SRGAP2B: variants seen among roughly 807,000 people sequenced by gnomAD.
The protein encoded by SRGAP2B is SLIT-ROBO Rho GTPase activating protein 2B.
A neutral mutation model predicts 22.2 loss-of-function variants in SRGAP2B; 9 were observed. The observed-to-expected ratio is 0.41, with a 90% CI of 0.24 to 0.71. SRGAP2B has a LOEUF of 0.71. Ranked by LOEUF, SRGAP2B falls within the 30% of genes least tolerant of loss-of-function variation. The pLI is 0.35. For synonymous variants in SRGAP2B, 36 were observed against 87.4 expected, an observed-to-expected ratio of 0.41 and a Z score of 3.28; for missense variants, 114 against 235.8, an observed-to-expected ratio of 0.48 and a Z score of 3.38.
chr1:145,044,672 A>C (rs1649555977), intron 2 of SRGAP2B, among the ~76,000 whole-genome samples: 9 of 101,970 alleles, frequency 8.8e-5, no homozygotes, highest in African/African-American at 2.2e-4. Flanking sequence ...AAAAAAAAAA[A>C]AAAAAAAAAA....
At chr1:144,988,303 CA>C (rs1291616939) in intron 3 of SRGAP2B, among the ~76,000 whole-genome samples, 1 of 125,312 alleles carries the variant, frequency 8.0e-6, no homozygotes, top group Admixed American at 8.2e-5. Context: ...TTTTGCCTTA[CA>C]AAAAAAACCA....
intron 4 of SRGAP2B, among the ~76,000 whole-genome samples, chr1:144,933,361 A>T (rs1195498383): frequency 6.7e-6 from 1 of 150,296 alleles, no homozygotes; most frequent in African/African-American, 2.5e-5. Flanking sequence ...GCTATGTTTC[A>T]TGACCCACAA....
At chr1:145,017,247 T>C (rs1252701754) in intron 2 of SRGAP2B, among the ~76,000 whole-genome samples, 4 of 150,004 alleles carry the variant, frequency 2.7e-5, no homozygotes, top group East Asian at 3.9e-4. Context: ...CTTATTACTA[T>C]GTTTGCCAGT....
chr1:144,991,057 G>T (rs1433288665), intron 3 of SRGAP2B, among the ~76,000 whole-genome samples: 6 of 150,814 alleles, frequency 4.0e-5, no homozygotes, highest in Non-Finnish European at 8.8e-5. Context: ...GGACTGGCAG[G>T]CAGCTCCACC....
At chr1:144,907,719 T>C (rs1195623038) in intron 5 of SRGAP2B, among the ~76,000 whole-genome samples, 29 of 149,794 alleles carry the variant, frequency 1.9e-4, no homozygotes, top group Admixed American at 9.3e-4. Flanking sequence ...CCCACAACAA[T>C]TAATTATCTG....
intron 3 of SRGAP2B, among the ~76,000 whole-genome samples, chr1:144,971,529 AAG>A (rs1668523471): frequency 6.6e-6 from 1 of 150,672 alleles, no homozygotes; most frequent in South Asian, 2.1e-4. Flanking sequence ...TCCTGGGCTC[AAG>A]CAATCCTCCC....
At chr1:144,941,216 TTTTG>T (rs1553607335) in intron 4 of SRGAP2B, among the ~76,000 whole-genome samples, 1 of 143,906 alleles carries the variant, frequency 6.9e-6, no homozygotes, top group African/African-American at 2.7e-5. Flanking sequence ...CTGAAGGGTT[TTTTG>T]TTTGTTTGCT....
intron 7 of SRGAP2B, among the ~76,000 whole-genome samples, chr1:144,903,913 G>GT (rs1185554722): frequency 1.4e-5 from 2 of 145,022 alleles, no homozygotes; most frequent in Admixed American, 6.9e-5. Context: ...GCTTCACTTA[G>GT]GTGTGGCTCA....
intron 2 of SRGAP2B, among the ~76,000 whole-genome samples, chr1:145,044,111 T>C (rs1252748522): frequency 1.6e-5 from 1 of 62,344 alleles, no homozygotes; most frequent in Non-Finnish European, 2.8e-5. Context: ...AATTCAGTCC[T>C]AGAGCCCAAA....
At chr1:144,987,991 G>A (rs1421283396) in intron 3 of SRGAP2B, among the ~76,000 whole-genome samples, 1 of 150,476 alleles carries the variant, frequency 6.6e-6, no homozygotes, top group Non-Finnish European at 1.5e-5. Context: ...GTTTAATGGT[G>A]GAAAAACAAA....
chr1:144,979,548 G>T (rs1570913980), intron 3 of SRGAP2B, among the ~76,000 whole-genome samples: 1 of 141,684 alleles, frequency 7.1e-6, no homozygotes, highest in Non-Finnish European at 1.5e-5. Flanking sequence ...TTGGATGTCT[G>T]TCCCCCCCCA....
rs782112462 is a variant in SRGAP2B at position 144,920,682 on chromosome 1, G to A, written c.424-5928C>T. Among the ~76,000 whole-genome samples, 1,117 of 149,634 alleles carry A rather than the reference G, an allele frequency of 7.5e-3. 29 individuals are homozygous for A. Among genetic ancestry groups the A allele is most frequent in the South Asian group, 0.025 (120 of 4,732 alleles). ...TTAGAGTAGCTGGGATTATATTCTCGAGCGACTGTGCCTGGCCTTTTCTAT... is the reference window on the plus strand; with the variant it reads ...TTAGAGTAGCTGGGATTATATTCTCAAGCGACTGTGCCTGGCCTTTTCTAT... On this transcript the variant is annotated intron_variant, in intron 4 of 9. Coordinates refer to ENST00000612199, the Ensembl canonical transcript of SRGAP2B.
chr1:144,965,932 T>G (rs199777823), intron 3 of SRGAP2B, among the ~76,000 whole-genome samples: 3 of 148,938 alleles, frequency 2.0e-5, no homozygotes, highest in Admixed American at 1.3e-4. Flanking sequence ...AGAAGGGAAG[T>G]TTAGAGAAAA....
chr1:144,942,452 C>T (rs1291368870), intron 4 of SRGAP2B, among the ~76,000 whole-genome samples: 1 of 148,962 alleles, frequency 6.7e-6, no homozygotes, highest in Non-Finnish European at 1.5e-5. Flanking sequence ...CGGAGTTTTG[C>T]TCTGTCACCC....
chr1:145,007,094 T>C (rs1317992540), intron 2 of SRGAP2B, among the ~76,000 whole-genome samples: 3 of 150,282 alleles, frequency 2.0e-5, no homozygotes, highest in Admixed American at 6.6e-5. Context: ...GCTTGCTACA[T>C]GCCTGATGCC....
At chr1:144,926,651 G>A (rs1455122557) in intron 4 of SRGAP2B, among the ~76,000 whole-genome samples, 1 of 151,076 alleles carries the variant, frequency 6.6e-6, no homozygotes, top group Non-Finnish European at 1.5e-5. Flanking sequence ...GAAGCCAGGA[G>A]TTCAAGACCA....
At chr1:145,076,262 A>G (rs1652497130) in intron 2 of SRGAP2B, among the ~76,000 whole-genome samples, 1 of 149,668 alleles carries the variant, frequency 6.7e-6, no homozygotes, top group South Asian at 2.1e-4. Context: ...CCTGGGCTCA[A>G]GAGATTCTCC....
In SRGAP2B at chr1:145,019,708, G is replaced by A. The variant is rs1333444274; in HGVS notation, c.68-24508C>T. On this transcript the variant is annotated intron_variant, in intron 2 of 9. Coordinates refer to ENST00000612199, the Ensembl canonical transcript of SRGAP2B. ...AAAGATCTTATGGAGTTCAGAAGACGATAAAGATGGAAAGTTGTAAGTCCT... is the reference window on the plus strand; with the variant it reads ...AAAGATCTTATGGAGTTCAGAAGACAATAAAGATGGAAAGTTGTAAGTCCT... Among the ~76,000 whole-genome samples the A allele has an allele frequency of 4.1e-5, 5 of 123,164 alleles. No homozygotes were observed. In the South Asian group the frequency reaches 8.9e-4, roughly 22 times the overall value. 80.8% of individuals were successfully genotyped at this position (123,164 alleles called of 152,430 possible).
intron 8 of SRGAP2B, among the ~76,000 whole-genome samples, chr1:144,893,935 T>C (rs1662244861): frequency 7.4e-6 from 1 of 136,036 alleles, no homozygotes; most frequent in African/African-American, 3.1e-5. Context: ...GAGGCTAACT[T>C]GCCACTGCTG....
Sources: allele counts gnomAD v4.1 joint callset (sites outside exome capture counted in the v4.1 genomes callset), GRCh38; gene constraint gnomAD v4.1.1; transcripts MANE v1.5; gene names NCBI Gene and HGNC (gene_info 2026-07-23, HGNC 2026-07-21).